The following PRKG1 variants were observed in gnomAD, a reference collection of about 807,000 sequenced individuals.
PRKG1 encodes the protein protein kinase cGMP-dependent 1.
PRKG1 carries 35 observed loss-of-function variants against 88.1 expected under a neutral mutation model. That is an observed-to-expected ratio of 0.40 (90% CI 0.30 to 0.53). The LOEUF (loss-of-function observed/expected upper bound fraction) is 0.53, where lower values mean the gene tolerates loss of function less well. Ranked by LOEUF, PRKG1 falls within the 20% of genes least tolerant of loss-of-function variation. The pLI is 0.59. For synonymous variants in PRKG1, 303 were observed against 292.5 expected, an observed-to-expected ratio of 1.04 and a Z score of -0.37; for missense variants, 540 against 839.8, an observed-to-expected ratio of 0.64 and a Z score of 4.41.
intron 2 of PRKG1, among the ~76,000 whole-genome samples, chr10:51,304,298 G>A (rs1020516722): frequency 2.6e-5 from 4 of 151,916 alleles, no homozygotes; most frequent in Non-Finnish European, 2.9e-5. Context: ...ATATAGTCAC[G>A]TAATATTAAA....
At chr10:51,517,428 G>A (rs560209288) in intron 3 of PRKG1, among the ~76,000 whole-genome samples, 2 of 152,318 alleles carry the variant, frequency 1.3e-5, no homozygotes, top group South Asian at 4.1e-4. Context: ...GTGTACCTGA[G>A]GGGGTGTCAA....
chr10:51,150,788 A>G (rs1846051996), intron 1 of PRKG1, among the ~76,000 whole-genome samples: 1 of 152,100 alleles, frequency 6.6e-6, no homozygotes, highest in Non-Finnish European at 1.5e-5. Flanking sequence ...CTCTACATTC[A>G]GTGATAAACA....
At chr10:51,097,146 C>A (rs1278981616) in intron 1 of PRKG1, among the ~76,000 whole-genome samples, 1 of 152,112 alleles carries the variant, frequency 6.6e-6, no homozygotes, top group East Asian at 1.9e-4. Context: ...TGCTGGTTGG[C>A]CATCTCAGTG....
At chr10:51,941,788 C>A (rs1447721232) in intron 5 of PRKG1, among the ~76,000 whole-genome samples, 2 of 151,660 alleles carry the variant, frequency 1.3e-5, no homozygotes, top group Non-Finnish European at 2.9e-5. Context: ...TGAACTCATC[C>A]TTTTTTATGG....
chr10:52,117,190 GTGTGTGTGTGTA>G (rs907051754), intron 7 of PRKG1, among the ~76,000 whole-genome samples: 56 of 151,480 alleles, frequency 3.7e-4, no homozygotes, highest in African/African-American at 8.5e-4. Flanking sequence ...GTGTGTGTGT[GTGTGTGTGTGTA>G]TGATTGGTAG....
intron 5 of PRKG1, among the ~76,000 whole-genome samples, chr10:51,943,575 A>G (rs1414300444): frequency 1.1e-4 from 16 of 152,022 alleles, no homozygotes; most frequent in Non-Finnish European, 2.4e-4. Flanking sequence ...ATTCAGTATG[A>G]TATTGGCTGT....
At chr10:51,670,740 AAAAATAAATAAATAAAT>A (rs1383731092) in intron 3 of PRKG1, among the ~76,000 whole-genome samples, 1 of 115,370 alleles carries the variant, frequency 8.7e-6, no homozygotes, top group Admixed American at 8.9e-5. Context: ...CGTCTCAAAA[AAAAATAAATAAATAAAT>A]AAATAAATAA....
intron 7 of PRKG1, among the ~76,000 whole-genome samples, chr10:52,072,240 C>A (rs1244571076): frequency 8.9e-6 from 1 of 112,116 alleles, no homozygotes; most frequent in South Asian, 3.0e-4. Context: ...GAAGATTATT[C>A]TCGTGAGGAT....
intron 3 of PRKG1, among the ~76,000 whole-genome samples, chr10:51,602,012 G>A (rs1038305751): frequency 6.6e-6 from 1 of 151,832 alleles, no homozygotes; most frequent in East Asian, 1.9e-4. Flanking sequence ...GCAACAAAAT[G>A]TCTGGCATTT....
chr10:51,131,128 A>G (rs928718065), intron 1 of PRKG1, among the ~76,000 whole-genome samples: 6 of 152,288 alleles, frequency 3.9e-5, no homozygotes, highest in African/African-American at 7.2e-5. Flanking sequence ...ATCCTCTGAA[A>G]TATTTGTATG....
At chr10:52,280,673 A>G in intron 12 of PRKG1, 116 bp from the exon 13 acceptor site, 1 of 1,088,570 alleles carries the variant, frequency 9.2e-7, no homozygotes, top group African/African-American at 1.6e-5. Context: ...CTAGCAGGAC[A>G]GTGATCTCTG....
At chr10:51,821,585 G>A (rs1166739696) in intron 4 of PRKG1, among the ~76,000 whole-genome samples, 1 of 151,920 alleles carries the variant, frequency 6.6e-6, no homozygotes, top group African/African-American at 2.4e-5. Flanking sequence ...TATTTTGAGT[G>A]TACACCCCAT....
At chr10:51,826,706 G>T (rs182160400) in intron 4 of PRKG1, among the ~76,000 whole-genome samples, 147 of 152,262 alleles carry the variant, frequency 9.7e-4, no homozygotes, top group African/African-American at 3.5e-3. Flanking sequence ...AACCATGAGA[G>T]CCAGAGTTCT....
At chr10:51,016,687 T>C (rs1212502094) in intron 1 of PRKG1, among the ~76,000 whole-genome samples, 1 of 123,612 alleles carries the variant, frequency 8.1e-6, no homozygotes, top group Non-Finnish European at 1.7e-5. Flanking sequence ...TTTTTTTTTT[T>C]TTTTTGGAAT....
At chr10:51,527,925 C>T (rs1305262256) in intron 3 of PRKG1, among the ~76,000 whole-genome samples, 1 of 152,166 alleles carries the variant, frequency 6.6e-6, no homozygotes, top group Admixed American at 6.5e-5. Flanking sequence ...AATTTAGCTC[C>T]TTCTCGGGTT....
At chr10:51,809,745 G>T (rs558620319) in intron 4 of PRKG1, among the ~76,000 whole-genome samples, 2 of 152,066 alleles carry the variant, frequency 1.3e-5, no homozygotes, top group Non-Finnish European at 2.9e-5. Context: ...TTATCCACTT[G>T]GTAAGACAGA....
At chr10:51,525,257 G>A (rs556612808) in intron 3 of PRKG1, among the ~76,000 whole-genome samples, 1 of 150,912 alleles carries the variant, frequency 6.6e-6, no homozygotes, top group East Asian at 1.9e-4. Flanking sequence ...AAGAAGAAAG[G>A]GAAGGAAGGA....
intron 4 of PRKG1, among the ~76,000 whole-genome samples, chr10:51,818,099 C>A (rs1839640059): frequency 6.6e-6 from 1 of 152,080 alleles, no homozygotes; most frequent in Non-Finnish European, 1.5e-5. Context: ...TGAAAATATG[C>A]AGAATTCTAT....
chr10:51,954,874 C>A (rs946882395), intron 5 of PRKG1, among the ~76,000 whole-genome samples: 1 of 152,082 alleles, frequency 6.6e-6, no homozygotes, highest in Non-Finnish European at 1.5e-5. Context: ...GTGTAATCAC[C>A]TCCCAACCAT....
Sources: allele counts gnomAD v4.1 joint callset (sites outside exome capture counted in the v4.1 genomes callset), GRCh38; gene constraint gnomAD v4.1.1; transcripts MANE v1.5; gene names NCBI Gene and HGNC (gene_info 2026-07-23, HGNC 2026-07-21).